The following NFKB1 variants were observed in gnomAD, a reference collection of about 807,000 sequenced individuals.
NFKB1 encodes nuclear factor NF-kappa-B p105 subunit.
A neutral mutation model predicts 105.1 loss-of-function variants in NFKB1; 9 were observed. The observed-to-expected ratio is 0.09, with a 90% confidence interval of 0.05 to 0.15. The LOEUF (loss-of-function observed/expected upper bound fraction) is 0.15, where lower values mean the gene tolerates loss of function less well. Among genes scored for constraint, NFKB1 ranks in the 10% least tolerant of loss-of-function variants. NFKB1 has a pLI of 1.00. For missense variants in NFKB1, 830 were observed against 1,203.7 expected (o/e 0.69, Z 4.59); for synonymous variants, 440 against 442.2 (o/e 1.00, Z 0.06).
intron 5 of NFKB1, among the ~76,000 whole-genome samples, chr4:102,549,765 C>T (rs1294174883): frequency 6.6e-6 from 1 of 152,130 alleles, no homozygotes; most frequent in African/African-American, 2.4e-5. Flanking sequence ...TCCAGTTGTA[C>T]AGGCCCCAAA....
At position 102,567,017 on chromosome 4, in the gene NFKB1, A is replaced by G; in HGVS notation, c.289A>G (p.Ile97Val). Residue 97 changes from isoleucine to valine, a missense_variant, in exon 6 of 24, where the codon ATT becomes GTT. Ile to Val is a conservative substitution (Grantham distance 29, BLOSUM62 3). Around this residue, in one of 8 missense-constraint regions of NFKB1, gnomAD observed 64 missense variants for 79.9 expected, o/e 0.80. Coordinates refer to ENST00000226574, the MANE Select transcript of NFKB1 (RefSeq NM_003998.4). ...ICNYVGPAKV[I>V]VQLVTNGKNI... ...CAACTATGTGGGACCAGCAAAGGTTATTGTTCAGTTGGTCACAAATGGAAA... is the reference window on the plus strand; with the variant it reads ...CAACTATGTGGGACCAGCAAAGGTTGTTGTTCAGTTGGTCACAAATGGAAA... 1 of 1,613,976 alleles carries G rather than the reference A, an allele frequency of 6.2e-7. No individual in the cohort carries two copies.
intron 1 of NFKB1, among the ~76,000 whole-genome samples, chr4:102,512,035 C>T (rs1227971201): frequency 1.3e-5 from 2 of 152,200 alleles, no homozygotes; most frequent in Non-Finnish European, 2.9e-5. Context: ...GAGCTTCACA[C>T]CAGCGGGAAC....
At chr4:102,585,181 T>C (rs1725618718) in intron 11 of NFKB1, among the ~76,000 whole-genome samples, 2 of 152,154 alleles carry the variant, frequency 1.3e-5, no homozygotes, top group African/African-American at 4.8e-5. Context: ...TGAGCTGCCA[T>C]GTCTTGCCAT....
At chr4:102,544,492 T>C (rs1301670217) in intron 5 of NFKB1, among the ~76,000 whole-genome samples, 1 of 152,114 alleles carries the variant, frequency 6.6e-6, no homozygotes, top group Non-Finnish European at 1.5e-5. Context: ...CCATTAGTGA[T>C]TGAAGCCAAA....
Position 102,597,718 on chromosome 4 carries a change from G to A in NFKB1, c.1637+57G>A, listed in dbSNP as rs868363388. The A allele has an allele frequency of 2.7e-5, 42 of 1,552,768 alleles. No individual in the cohort carries two copies. In the Middle Eastern group the frequency reaches 1.2e-3, roughly 44 times the overall value. ...CTGGGTGGGGAAGAAGAAGAGCATC[G>A]TATAATGCATACTGACTAGAGATAA... On this transcript the variant is annotated intron_variant, in intron 15 of 23. Transcript: ENST00000226574.
At chr4:102,512,305 A>G (rs1237342615) in intron 1 of NFKB1, among the ~76,000 whole-genome samples, 1 of 152,058 alleles carries the variant, frequency 6.6e-6, no homozygotes, top group African/African-American at 2.4e-5. Context: ...ATTTCTCCCC[A>G]CTCAGTTTAT....
At chr4:102,595,349 G>A (rs930204275) in intron 13 of NFKB1, among the ~76,000 whole-genome samples, 6 of 151,938 alleles carry the variant, frequency 3.9e-5, no homozygotes, top group Admixed American at 6.6e-5. Context: ...TTATAGGATC[G>A]GTCTTTTCCC....
Position 102,564,655 on chromosome 4 carries a change from T to G in NFKB1, c.259-2332T>G, listed in dbSNP as rs149564103. Among the ~76,000 whole-genome samples, 1,262 of 152,358 alleles carry G rather than the reference T, an allele frequency of 8.3e-3. 7 individuals carry two copies. The highest frequency in any genetic ancestry group is 0.017 in the Middle Eastern group (5 of 294). ...AGTAATATGAAAAATACATGAGTAC[T>G]TTTTGAGGATACCTCGGACCTCTTT... On this transcript the variant is annotated intron_variant, in intron 5 of 23. Coordinates refer to ENST00000226574, the MANE Select transcript of NFKB1 (RefSeq NM_003998.4).
chr4:102,546,935 G>A (rs1250073059), intron 5 of NFKB1, among the ~76,000 whole-genome samples: 1 of 152,144 alleles, frequency 6.6e-6, no homozygotes, highest in Non-Finnish European at 1.5e-5. Context: ...CCTGAATAGA[G>A]TAGGAAACCC....
intron 5 of NFKB1, among the ~76,000 whole-genome samples, chr4:102,540,705 A>C (rs1461131042): frequency 6.6e-6 from 1 of 152,172 alleles, no homozygotes. Flanking sequence ...TAACAGTTAT[A>C]GGAAGTAATT....
At chr4:102,504,179 A>G (rs1262954432) in intron 1 of NFKB1, among the ~76,000 whole-genome samples, 4 of 152,186 alleles carry the variant, frequency 2.6e-5, no homozygotes, top group Admixed American at 1.3e-4. Context: ...GAGTTGCTGT[A>G]TGGATTTTTG....
chr4:102,605,373 C>T (rs1215831557), intron 16 of NFKB1, among the ~76,000 whole-genome samples: 1 of 152,136 alleles, frequency 6.6e-6, no homozygotes, highest in African/African-American at 2.4e-5. Context: ...TTATCATGTG[C>T]TGTGGTCACC....
At chr4:102,509,603 T>G (rs1739646320) in intron 1 of NFKB1, among the ~76,000 whole-genome samples, 1 of 152,204 alleles carries the variant, frequency 6.6e-6, no homozygotes, top group African/African-American at 2.4e-5. Flanking sequence ...ATATTAAATT[T>G]CTCATCATCC....
chr4:102,576,446 T>C (rs541092220), intron 6 of NFKB1, among the ~76,000 whole-genome samples: 4 of 152,314 alleles, frequency 2.6e-5, no homozygotes, highest in African/African-American at 9.6e-5. Flanking sequence ...TAGACACATA[T>C]GCTCCCACTC....
chr4:102,577,752 C>A (rs4648025), intron 7 of NFKB1: 1 of 885,738 alleles, frequency 1.1e-6, no homozygotes, highest in African/African-American at 1.8e-5. Flanking sequence ...CACTGACTCC[C>A]CCTCCTCGCC....
At chr4:102,591,290 CT>C (rs1478121683) in intron 11 of NFKB1, among the ~76,000 whole-genome samples, 1 of 151,898 alleles carries the variant, frequency 6.6e-6, no homozygotes, top group African/African-American at 2.4e-5. Flanking sequence ...GGCTTCAAAG[CT>C]TTTAAAAACA....
At position 102,607,301 on chromosome 4, in the gene NFKB1, A is replaced by C. The variant is rs1248515806; in HGVS notation, c.2106A>C (p.Ala702=). 1 of 1,612,534 alleles carries C rather than the reference A, an allele frequency of 6.2e-7. No homozygotes were observed. The highest frequency in any genetic ancestry group is 8.5e-7 in the Non-Finnish European group (1 of 1,178,712). ...TGGAGCACGACAACATCTCATTGGC[A>C]GGCTGCCTGCTCCTGGAGGTGAAGG... The part of the protein sequence containing the change: ...LAVEHDNISL[A]GCLLLEGDAH... The change falls in exon 18 of 24, where the codon GCA becomes GCC. Residue 702 remains alanine, a synonymous_variant. Transcript: ENST00000226574.
chr4:102,613,712 A>G (rs1728665675), intron 23 of NFKB1, 131 bp downstream of exon 23: 1 of 1,100,402 alleles, frequency 9.1e-7, no homozygotes, highest in Non-Finnish European at 1.3e-6. Context: ...GTGTCTCTCT[A>G]CCCCCTGGGC....
chr4:102,560,586 A>G (rs1399773488), intron 5 of NFKB1, among the ~76,000 whole-genome samples: 1 of 152,168 alleles, frequency 6.6e-6, no homozygotes, highest in Non-Finnish European at 1.5e-5. Context: ...ACAAAAAAAC[A>G]TGCCATTAAT....
Sources: allele counts gnomAD v4.1 joint callset (sites outside exome capture counted in the v4.1 genomes callset), GRCh38; gene constraint gnomAD v4.1.1; regional missense constraint gnomAD v4.1.1; transcripts MANE v1.5; gene names NCBI Gene and HGNC (gene_info 2026-07-23, HGNC 2026-07-21).